ZNF385D: variants seen among roughly 807,000 people sequenced by gnomAD.
The protein encoded by ZNF385D is zinc finger protein 385D, also known as zinc finger protein 659.
ZNF385D carries 15 observed loss-of-function variants against 35.8 expected under a neutral mutation model. The observed-to-expected ratio is 0.42, with a 90% confidence interval of 0.28 to 0.64. The LOEUF is 0.64. Ranked by LOEUF, ZNF385D falls within the 30% of genes least tolerant of loss-of-function variation. The probability of loss-of-function intolerance (pLI) is 0.23; values close to 1 mark genes in which losing one functional copy is unlikely to be tolerated. For synonymous variants in ZNF385D, 212 were observed against 186.8 expected (o/e 1.13, Z -1.10); for missense variants, 474 against 494.6 (o/e 0.96, Z 0.39).
At chr3:22,014,029 C>T (rs1457919712) in intron 3 of ZNF385D, among the ~76,000 whole-genome samples, 2 of 151,786 alleles carry the variant, frequency 1.3e-5, no homozygotes, top group Non-Finnish European at 1.5e-5. Flanking sequence ...AGAAGCAACC[C>T]CAAGAAATAC....
intron 3 of ZNF385D, among the ~76,000 whole-genome samples, chr3:22,071,600 G>A (rs1246001329): frequency 1.3e-5 from 2 of 152,110 alleles, no homozygotes; most frequent in Non-Finnish European, 2.9e-5. Flanking sequence ...ATATTGCAGA[G>A]AATAAAAATT....
chr3:22,211,200 T>C (rs1003230386), intron 2 of ZNF385D, among the ~76,000 whole-genome samples: 3 of 151,930 alleles, frequency 2.0e-5, no homozygotes, highest in East Asian at 3.9e-4. Context: ...ATAAATAATA[T>C]TTATAGTTAT....
chr3:21,922,926 G>C (rs762370847), intron 3 of ZNF385D, among the ~76,000 whole-genome samples: 1 of 152,062 alleles, frequency 6.6e-6, no homozygotes, highest in Non-Finnish European at 1.5e-5. Context: ...AACTTCAATA[G>C]CTGAACAAAC....
At chr3:21,714,966 C>G (rs1044954195) in intron 1 of ZNF385D, among the ~76,000 whole-genome samples, 3 of 152,184 alleles carry the variant, frequency 2.0e-5, no homozygotes, top group African/African-American at 7.2e-5. Context: ...TTGGCAAGAA[C>G]AGCTATAATC....
At chr3:21,870,657 A>G (rs1697640009) in intron 3 of ZNF385D, among the ~76,000 whole-genome samples, 1 of 152,148 alleles carries the variant, frequency 6.6e-6, no homozygotes, top group Admixed American at 6.6e-5. Context: ...GCCAACTGTT[A>G]TCAATCTTTG....
intron 2 of ZNF385D, among the ~76,000 whole-genome samples, chr3:21,566,225 T>C (rs996463984): frequency 2.6e-5 from 4 of 151,904 alleles, no homozygotes; most frequent in Non-Finnish European, 4.4e-5. Context: ...TCATTTTTCT[T>C]TTCCACCTTC....
At chr3:21,946,130 C>G (rs1388629265) in intron 3 of ZNF385D, among the ~76,000 whole-genome samples, 2 of 152,144 alleles carry the variant, frequency 1.3e-5, no homozygotes, top group Non-Finnish European at 2.9e-5. Context: ...CGGTGAACCA[C>G]AAAATTAGGA....
At chr3:22,114,882 G>A (rs771845474) in intron 3 of ZNF385D, among the ~76,000 whole-genome samples, 6 of 151,974 alleles carry the variant, frequency 3.9e-5, no homozygotes, top group Non-Finnish European at 8.8e-5. Flanking sequence ...CCTTTACAGG[G>A]CATCTGGCAG....
At chr3:21,754,666 C>A (rs1051669850), upstream of ZNF385D, among the ~76,000 whole-genome samples, 2 of 151,918 alleles carry the variant, frequency 1.3e-5, no homozygotes, top group Non-Finnish European at 2.9e-5. Flanking sequence ...CATTTCTTAA[C>A]CTCCTTTCCT....
At chr3:21,555,392 G>A (rs2062699734) in intron 3 of ZNF385D, among the ~76,000 whole-genome samples, 1 of 151,844 alleles carries the variant, frequency 6.6e-6, no homozygotes, top group African/African-American at 2.4e-5. Context: ...GACAGGCCCT[G>A]GTGTGTGATG....
intron 2 of ZNF385D, among the ~76,000 whole-genome samples, chr3:22,242,142 G>C (rs998854365): frequency 1.3e-5 from 2 of 150,716 alleles, no homozygotes; most frequent in African/African-American, 4.9e-5. Context: ...GAGTTAGTGG[G>C]TGCAGCGCAC....
chr3:22,311,476 AT>A (rs569894258), intron 2 of ZNF385D, among the ~76,000 whole-genome samples: 221 of 152,058 alleles, frequency 1.5e-3, no homozygotes, highest in African/African-American at 5.0e-3. Context: ...GTTTTTATTT[AT>A]TTTTAAATAC....
chr3:21,414,731 G>A lies in ZNF385D; in HGVS notation c.*6483C>T, dbSNP rs940676525. 1 of 152,072 alleles carries A rather than the reference G, an allele frequency of 6.6e-6. No individual in the cohort carries two copies. Among genetic ancestry groups the A allele is most frequent in the South Asian group, 2.1e-4 (1 of 4,828 alleles). The allele number at this position is 152,072 out of a possible 1,614,324, so 9.4% of individuals were successfully genotyped here. On this transcript the variant is annotated 3_prime_UTR_variant, in exon 8 of 8. Transcript: ENST00000281523. ...CTGTGTTCACTGTTCTGTGATGCTC[G>A]ATCTTGTGCCCAGATCCCTTGGCCA... is the stretch of plus-strand genomic sequence containing the variant.
chr3:22,268,546 G>T (rs761569513), intron 2 of ZNF385D, among the ~76,000 whole-genome samples: 8 of 151,988 alleles, frequency 5.3e-5, no homozygotes, highest in Non-Finnish European at 1.2e-4. Flanking sequence ...TAACCCAAAA[G>T]CAGTAAGGGG....
At chr3:21,453,048 G>A (rs1268817204) in intron 4 of ZNF385D, among the ~76,000 whole-genome samples, 2 of 151,698 alleles carry the variant, frequency 1.3e-5, no homozygotes, top group South Asian at 2.1e-4. Flanking sequence ...AGAATTAAGA[G>A]TCTGGAAGGA....
intron 3 of ZNF385D, among the ~76,000 whole-genome samples, chr3:21,763,994 G>C (rs1026472209): frequency 4.6e-5 from 7 of 152,152 alleles, no homozygotes; most frequent in Non-Finnish European, 1.5e-5. Context: ...CAAAGAATGA[G>C]ATACTGCAAT....
chr3:22,085,570 T>C (rs1036547521), intron 3 of ZNF385D, among the ~76,000 whole-genome samples: 1 of 152,132 alleles, frequency 6.6e-6, no homozygotes, highest in Non-Finnish European at 1.5e-5. Context: ...GCTCTGAAAT[T>C]GAGGCAATAA....
intron 3 of ZNF385D, among the ~76,000 whole-genome samples, chr3:21,522,620 G>T (rs948147567): frequency 6.6e-6 from 1 of 152,116 alleles, no homozygotes; most frequent in Non-Finnish European, 1.5e-5. Flanking sequence ...TTACAGATGT[G>T]AGCCACCATG....
intron 2 of ZNF385D, among the ~76,000 whole-genome samples, chr3:22,258,222 G>A (rs1412887988): frequency 2.6e-5 from 4 of 151,722 alleles, no homozygotes; most frequent in Admixed American, 2.0e-4. Context: ...GCAAGGACTG[G>A]AGTCTAATAC....
Sources: gnomAD v4.1 joint callset for allele counts (sites outside exome capture counted in the v4.1 genomes callset) on GRCh38, gnomAD v4.1.1 for gene constraint, MANE v1.5 for transcripts, NCBI Gene and HGNC (gene_info 2026-07-23, HGNC 2026-07-21) for gene names.